Variants in PRKCB observed in about 807,000 individuals in gnomAD.
PRKCB encodes the protein protein kinase C beta type.
PRKCB carries 13 observed loss-of-function variants against 81.5 expected under a neutral mutation model. The observed-to-expected ratio is 0.16, with a 90% CI of 0.10 to 0.25. The LOEUF (loss-of-function observed/expected upper bound fraction) is 0.25, where lower values mean the gene tolerates loss of function less well. Among genes scored for constraint, PRKCB ranks in the 10% least tolerant of loss-of-function variants. The pLI is 1.00. For synonymous variants in PRKCB, 335 were observed against 321.4 expected (o/e 1.04, Z -0.45); for missense variants, 509 against 875.7 (o/e 0.58, Z 5.29).
intron 2 of PRKCB, among the ~76,000 whole-genome samples, chr16:23,928,644 G>A (rs1270983228): frequency 2.0e-5 from 3 of 152,054 alleles, no homozygotes; most frequent in African/African-American, 4.8e-5. Flanking sequence ...GCTGGGAAAT[G>A]CACCTCTGTT....
In PRKCB at chr16:23,947,742, T is replaced by G. The variant is rs898196360; in HGVS notation, c.206-40766T>G. Among the ~76,000 whole-genome samples, 27 of 152,168 alleles carry G rather than the reference T, an allele frequency of 1.8e-4. 1 individual carries two copies. The East Asian group carries it at 2.5e-3, about 14-fold the overall frequency. ...GTGGCCCAGAGAGATGAAGAATGATTGGGGCACAGGAATCTTCTTGCTTTG... is the reference window on the plus strand; with the variant it reads ...GTGGCCCAGAGAGATGAAGAATGATGGGGGCACAGGAATCTTCTTGCTTTG... On this transcript the variant is annotated intron_variant, in intron 2 of 16. Coordinates refer to ENST00000643927, the MANE Select transcript of PRKCB (RefSeq NM_002738.7).
intron 3 of PRKCB, among the ~76,000 whole-genome samples, chr16:24,009,762 C>T (rs781433831): frequency 2.0e-4 from 31 of 151,974 alleles, no homozygotes; most frequent in Non-Finnish European, 3.5e-4. Context: ...ATCTGTAATC[C>T]CAGCACTTTG....
intron 7 of PRKCB, among the ~76,000 whole-genome samples, chr16:24,109,772 T>C (rs1342797720): frequency 7.6e-6 from 1 of 132,434 alleles, no homozygotes; most frequent in South Asian, 2.3e-4. Context: ...GAGGTGGAGG[T>C]TGTAGCGAGC....
intron 2 of PRKCB, among the ~76,000 whole-genome samples, chr16:23,873,185 CACACAAA>C (rs1277940160): frequency 3.1e-4 from 23 of 73,778 alleles, no homozygotes; most frequent in Middle Eastern, 0.011. Flanking sequence ...CACACACACA[CACACAAA>C]AAAAAAAAAA....
intron 2 of PRKCB, among the ~76,000 whole-genome samples, chr16:23,898,129 G>A (rs1183857353): frequency 6.6e-6 from 1 of 150,760 alleles, no homozygotes; most frequent in South Asian, 2.1e-4. Context: ...GCAGTGGTGC[G>A]ATCTCGGTTC....
chr16:24,031,666 G>C (rs994097260), intron 3 of PRKCB, among the ~76,000 whole-genome samples: 25 of 152,252 alleles, frequency 1.6e-4, no homozygotes, highest in African/African-American at 6.0e-4. Context: ...TTCTGTCAGT[G>C]ATGAGGAACT....
chr16:23,989,457 A>G (rs900476394), intron 3 of PRKCB, among the ~76,000 whole-genome samples: 30 of 152,330 alleles, frequency 2.0e-4, no homozygotes, highest in Admixed American at 4.6e-4. Context: ...ATGAATCTCA[A>G]AGTATGACTA....
At chr16:23,874,567 TC>T (rs766977305) in intron 2 of PRKCB, among the ~76,000 whole-genome samples, 11,327 of 41,550 alleles carry the variant, frequency 0.27, 628 homozygotes, top group South Asian at 0.46. Flanking sequence ...GATTCTTCTC[TC>T]TTTTTTTTTT....
chr16:24,058,609 A>C (rs1965935575), intron 5 of PRKCB, among the ~76,000 whole-genome samples: 1 of 152,102 alleles, frequency 6.6e-6, no homozygotes, highest in Admixed American at 6.5e-5. Context: ...GACCTGAATA[A>C]ATAGTTAAAA....
At chr16:24,027,010 A>G (rs558824276) in intron 3 of PRKCB, among the ~76,000 whole-genome samples, 1 of 152,068 alleles carries the variant, frequency 6.6e-6, no homozygotes. Flanking sequence ...CTTTTTTATT[A>G]TTATTATACT....
rs1428888740 is a variant in PRKCB at position 24,185,303 on chromosome 16, T to C, written c.1614+112T>C. The C allele has an allele frequency of 4.0e-6, 5 of 1,243,438 alleles. No homozygotes were observed. The African/African-American group carries it at 4.5e-5, about 11-fold the overall frequency. The allele number at this position is 1,243,438 out of a possible 1,614,324, so 77.0% of individuals were successfully genotyped here. ...GCTCATAAATTGGAACCTCTATGAC[T>C]TTCCCGGCCTTGGGGTCATACAAGT... On this transcript the variant is annotated intron_variant, in intron 14 of 16. Transcript: ENST00000643927.
intron 5 of PRKCB, among the ~76,000 whole-genome samples, chr16:24,052,231 TAG>T (rs979500515): frequency 6.6e-6 from 1 of 152,242 alleles, no homozygotes; most frequent in African/African-American, 2.4e-5. Flanking sequence ...CAGAATCATC[TAG>T]AGAGTGCCCC....
At chr16:23,951,593 T>A (rs940368713) in intron 2 of PRKCB, among the ~76,000 whole-genome samples, 18 of 150,550 alleles carry the variant, frequency 1.2e-4, no homozygotes, top group Non-Finnish European at 2.4e-4. Flanking sequence ...TTTTTTTTTT[T>A]TTTTTGTAGA....
intron 2 of PRKCB, among the ~76,000 whole-genome samples, chr16:23,896,686 G>A (rs1312539094): frequency 3.3e-5 from 5 of 152,176 alleles, no homozygotes; most frequent in Non-Finnish European, 7.3e-5. Context: ...AGAAGGACTA[G>A]CATATGCAAA....
chr16:24,150,112 C>G (rs1967057042), intron 9 of PRKCB, among the ~76,000 whole-genome samples: 1 of 152,154 alleles, frequency 6.6e-6, no homozygotes, highest in African/African-American at 2.4e-5. Context: ...GGGCGGATCA[C>G]TGAAGGTCTG....
intron 2 of PRKCB, among the ~76,000 whole-genome samples, chr16:23,848,061 G>A (rs974619425): frequency 1.8e-4 from 27 of 152,142 alleles, no homozygotes; most frequent in African/African-American, 5.6e-4. Context: ...ACAGGACAAC[G>A]CAGTTGAGAT....
intron 2 of PRKCB, among the ~76,000 whole-genome samples, chr16:23,849,006 A>C (rs1472363844): frequency 6.6e-6 from 1 of 152,234 alleles, no homozygotes; most frequent in African/African-American, 2.4e-5. Context: ...GGTCAATAGC[A>C]TTAGCTGCAC....
chr16:23,903,004 T>TTC (rs1963507076), intron 2 of PRKCB, among the ~76,000 whole-genome samples: 1 of 147,862 alleles, frequency 6.8e-6, no homozygotes, highest in African/African-American at 2.5e-5. Context: ...TTTTTTTTTT[T>TTC]CCTTTTTCTG....
chr16:23,880,828 C>CTCTCTG (rs1321073858), intron 2 of PRKCB, among the ~76,000 whole-genome samples: 1 of 152,116 alleles, frequency 6.6e-6, no homozygotes, highest in East Asian at 1.9e-4. Context: ...CTACCCATGT[C>CTCTCTG]TCTCTGTCTC....
Sources: allele counts gnomAD v4.1 joint callset (sites outside exome capture counted in the v4.1 genomes callset), GRCh38; gene constraint gnomAD v4.1.1; transcripts MANE v1.5; gene names NCBI Gene and HGNC (gene_info 2026-07-23, HGNC 2026-07-21).